GPRC5A: variants seen among roughly 807,000 people sequenced by gnomAD.
The protein encoded by GPRC5A is retinoic acid-induced protein 3.
GPRC5A carries 19 observed loss-of-function variants against 22.5 expected under a neutral mutation model. The ratio of observed to expected loss-of-function variants is 0.85; its 90% confidence interval spans 0.59 to 1.24. The LOEUF is 1.24. Ranked by LOEUF, GPRC5A falls within the 50% of genes most tolerant of loss-of-function variation. The pLI is 0.00. For missense variants in GPRC5A, 471 were observed against 451.1 expected (o/e 1.04, Z -0.40); for synonymous variants, 192 against 184.5 (o/e 1.04, Z -0.33).
At chr12:12,905,978 AG>A (rs913403721) in intron 1 of GPRC5A, among the ~76,000 whole-genome samples, 1 of 151,972 alleles carries the variant, frequency 6.6e-6, no homozygotes, top group African/African-American at 2.4e-5. Context: ...GCATCTGATG[AG>A]GGGAGGGGTA....
intron 1 of GPRC5A, among the ~76,000 whole-genome samples, chr12:12,906,388 T>C (rs1255802185): frequency 1.3e-5 from 2 of 151,902 alleles, no homozygotes; most frequent in South Asian, 2.1e-4. Flanking sequence ...CTGGGCAACA[T>C]GGTGAAACCC....
At position 12,908,906 on chromosome 12, in the gene GPRC5A, C is replaced by G; in HGVS notation, c.657C>G (p.Leu219=). ...CCCACATCTACCTCACGATGCTCCT[C>G]TCCATTGCCATCTGGGTGGCCTGGA... is the stretch of plus-strand genomic sequence containing the variant. The part of the protein sequence containing the change: ...HGAHIYLTML[L]SIAIWVAWIT... The change falls in exon 2 of 4, where the codon CTC becomes CTG. Residue 219 remains leucine (L), a synonymous_variant. Transcript: ENST00000014914. 6.2e-7 allele frequency: 1 copy of G among 1,614,190 alleles called. No homozygotes were observed. The highest frequency in any genetic ancestry group is 8.5e-7 in the Non-Finnish European group (1 of 1,180,018).
rs111900693 is a variant in GPRC5A at position 12,912,745 on chromosome 12, A to AT, written c.*219dup. The AT allele has an allele frequency of 0.27, 115,272 of 426,736 alleles. 7,052 individuals carry two copies. The highest frequency in any genetic ancestry group is 0.35 in the Admixed American group (9,047 of 25,622). The allele number at this position is 426,736 out of a possible 1,614,324, so 26.4% of individuals were successfully genotyped here. A position where few individuals can be genotyped will look rare whatever the true frequency, so the allele number is the denominator to read the frequency against. Reference sequence around the variant, plus strand: ...CTCCAGTTCTTAGAGGCGCTGTAGTATTTTTTTTTTTTTGTCTCATCCTTT... The same window carrying AT: ...CTCCAGTTCTTAGAGGCGCTGTAGTATTTTTTTTTTTTTTGTCTCATCCTTT... On this transcript the variant is annotated 3_prime_UTR_variant, in exon 4 of 4. Transcript: ENST00000014914.
In GPRC5A at chr12:12,901,762, C is replaced by CAAA. The variant is rs34748296; in HGVS notation, c.-7-6462_-7-6460dup. Among the ~76,000 whole-genome samples, 136 of 85,586 alleles carry CAAA rather than the reference C, an allele frequency of 1.6e-3. 3 individuals carry two copies. In the Middle Eastern group the frequency reaches 0.023, roughly 15 times the overall value. The allele number at this position is 85,586 out of a possible 152,430, so 56.1% of individuals were successfully genotyped here. On this transcript the variant is annotated intron_variant, in intron 1 of 3. Coordinates refer to ENST00000014914, the MANE Select transcript of GPRC5A (RefSeq NM_003979.4). ...TGTGTGTCTCATCAGACTTGGGCAT[C>CAAA]AAAAAAAAAAAAAAAAAAAAACCAT...
Position 12,912,150 on chromosome 12 carries a change from ATT to A in GPRC5A, c.981+14_981+15del. Reference sequence around the variant, plus strand: ...ACACATTTTCAGCTGCAGGTAAGTGATTTTTTTCTCCCTCTTCATCAAAGGCA... The same window carrying A: ...ACACATTTTCAGCTGCAGGTAAGTGATTTTTCTCCCTCTTCATCAAAGGCA... On this transcript the variant is annotated intron_variant, in intron 3 of 3. Transcript: ENST00000014914. 6.3e-7 allele frequency: 1 copy of A among 1,596,862 alleles called. No homozygotes were observed. The highest frequency in any genetic ancestry group is 8.6e-7 in the Non-Finnish European group (1 of 1,164,404).
intron 1 of GPRC5A, among the ~76,000 whole-genome samples, chr12:12,899,539 C>T (rs958685892): frequency 3.9e-5 from 6 of 152,146 alleles, no homozygotes; most frequent in Non-Finnish European, 5.9e-5. Flanking sequence ...ATGTACCTTC[C>T]TCACTCTGTT....
At chr12:12,897,670 G>A (rs1382741434) in intron 1 of GPRC5A, among the ~76,000 whole-genome samples, 2 of 150,058 alleles carry the variant, frequency 1.3e-5, no homozygotes, top group African/African-American at 2.5e-5. Flanking sequence ...GTGTAGTGGC[G>A]TGATCTCAGC....
chr12:12,901,246 C>T (rs1863883692), intron 1 of GPRC5A, among the ~76,000 whole-genome samples: 1 of 152,142 alleles, frequency 6.6e-6, no homozygotes, highest in South Asian at 2.1e-4. Context: ...CCCAGTTAAT[C>T]CCTCCCAGCT....
chr12:12,894,772 GTTTTTTTTTTTT>G (rs56794431), intron 1 of GPRC5A, among the ~76,000 whole-genome samples: 1 of 67,426 alleles, frequency 1.5e-5, no homozygotes, highest in Non-Finnish European at 2.6e-5. Context: ...GTCTAGGATG[GTTTTTTTTTTTT>G]TTTTTTTTTT....
At position 12,913,612 on chromosome 12, in the gene GPRC5A, T is replaced by G. The variant is rs146078800; in HGVS notation, c.*1073T>G. The G allele has an allele frequency of 6.6e-6, 1 of 152,178 alleles. No individual in the cohort carries two copies. The highest frequency in any genetic ancestry group is 2.4e-5 in the African/African-American group (1 of 41,444). 9.4% of individuals were successfully genotyped at this position (152,178 alleles called of 1,614,324 possible). ...GTATAATAAGTTATTCACCTGAGTA[T>G]GCAATAAAGATGTGGTGGCCACTCT... On this transcript the variant is annotated 3_prime_UTR_variant, in exon 4 of 4. Transcript: ENST00000014914.
chr12:12,909,921 A>G (rs1171066720), intron 2 of GPRC5A: 1 of 148,338 alleles, frequency 6.7e-6, no homozygotes, highest in Non-Finnish European at 1.5e-5. Context: ...CAAAATAGCA[A>G]GACTTCATCT....
chr12:12,910,730 T>A (rs1863995028), intron 2 of GPRC5A, among the ~76,000 whole-genome samples: 1 of 152,160 alleles, frequency 6.6e-6, no homozygotes, highest in African/African-American at 2.4e-5. Context: ...ACCCTGTGCA[T>A]CTGTAGGACT....
rs1864078096 is a variant in GPRC5A at position 12,917,482 on chromosome 12, C to T, written c.*4943C>T. 1 of 152,034 alleles carries T rather than the reference C, an allele frequency of 6.6e-6. No individual in the cohort carries two copies. The highest frequency in any genetic ancestry group is 1.9e-4 in the East Asian group (1 of 5,192). 9.4% of individuals were successfully genotyped at this position (152,034 alleles called of 1,614,324 possible). On this transcript the variant is annotated 3_prime_UTR_variant, in exon 4 of 4. Transcript: ENST00000014914. ...TCTGTGTTCTTTCTACCGTCAGCAC[C>T]TGTGTGGTCAATTCTGGACACTTCC...
rs1362690725 is a variant in GPRC5A, at chr12:12,914,505, T to C, written c.*1966T>C. 1.3e-5 allele frequency: 2 copies of C among 151,600 alleles called. No individual in the cohort carries two copies. The highest frequency in any genetic ancestry group is 2.1e-4 in the South Asian group (1 of 4,772). The allele number at this position is 151,600 out of a possible 1,614,324, so 9.4% of individuals were successfully genotyped here. A position where few individuals can be genotyped will look rare whatever the true frequency, so the allele number is the denominator to read the frequency against. ...AGGCTAGGGACTCAAGAAATGCATA[T>C]TCCCCCCCCACTTTCTTTCTCTCTT... On this transcript the variant is annotated 3_prime_UTR_variant, in exon 4 of 4. Coordinates refer to ENST00000014914, the MANE Select transcript of GPRC5A (RefSeq NM_003979.4).
At position 12,912,460 on chromosome 12, in the gene GPRC5A, A is replaced by C. The variant is rs1864014866; in HGVS notation, c.995A>C (p.Gln332Pro). Residue 332 changes from glutamine (Q) to proline (P), a missense_variant, in exon 4 of 4, where the codon CAA becomes CCA. By Grantham distance (76) the Gln-to-Pro change is moderately conservative. Coordinates refer to ENST00000014914, the MANE Select transcript of GPRC5A (RefSeq NM_003979.4). The part of the protein sequence containing the change: ...THFQLQNQPP[Q>P]KEFSIPRAHA... ...TTTCCTTTTCAGAACCAGCCTCCCC[A>C]AAAGGAATTCTCCATCCCACGGGCC... 6.2e-7 allele frequency: 1 copy of C among 1,610,646 alleles called. No homozygotes were observed. Among genetic ancestry groups the C allele is most frequent in the African/African-American group, 1.3e-5 (1 of 74,864 alleles).
At chr12:12,897,967 A>C (rs1466716014) in intron 1 of GPRC5A, among the ~76,000 whole-genome samples, 1 of 152,064 alleles carries the variant, frequency 6.6e-6, no homozygotes, top group Non-Finnish European at 1.5e-5. Context: ...GGTGCTCCAC[A>C]TGGTTCTGTC....
In GPRC5A at chr12:12,894,632, C is replaced by T. The variant is rs372081463; in HGVS notation, c.-8+2968C>T. Among the ~76,000 whole-genome samples the T allele has an allele frequency of 2.0e-5, 3 of 152,224 alleles. No homozygotes were observed. In the East Asian group the frequency reaches 5.8e-4, roughly 29 times the overall value. On this transcript the variant is annotated intron_variant, in intron 1 of 3. Coordinates refer to ENST00000014914, the MANE Select transcript of GPRC5A (RefSeq NM_003979.4). ...CCATGTAGCCTAGGCTTGACTCAAA[C>T]TCCTGGGCTCAAGCAATCTTCCTGC...
At chr12:12,899,709 C>G (rs890685206) in intron 1 of GPRC5A, among the ~76,000 whole-genome samples, 1 of 152,192 alleles carries the variant, frequency 6.6e-6, no homozygotes, top group Non-Finnish European at 1.5e-5. Flanking sequence ...ATTATTCTTA[C>G]TCATAATTAC....
chr12:12,900,923 A>AACC lies in GPRC5A; in HGVS notation c.-7-7318_-7-7317insCAC, dbSNP rs1863880813. ...AAAAAAAAAAAAAAAACAAAAAAAA[A>AACC]ACAACCCAGAAAAACCCAAAAAACA... On this transcript the variant is annotated intron_variant, in intron 1 of 3. Coordinates refer to ENST00000014914, the MANE Select transcript of GPRC5A (RefSeq NM_003979.4). Among the ~76,000 whole-genome samples the AACC allele has an allele frequency of 5.5e-5, 6 of 109,992 alleles. No homozygotes were observed. The East Asian group carries it at 2.5e-3, about 45-fold the overall frequency. 72.2% of individuals were successfully genotyped at this position (109,992 alleles called of 152,430 possible).
Sources: allele counts gnomAD v4.1 joint callset (sites outside exome capture counted in the v4.1 genomes callset), GRCh38; gene constraint gnomAD v4.1.1; transcripts MANE v1.5; gene names NCBI Gene and HGNC (gene_info 2026-07-23, HGNC 2026-07-21).